SH3PXD2B: variants seen among roughly 807,000 people sequenced by gnomAD.
SH3PXD2B encodes the protein SH3 and PX domain-containing protein 2B.
SH3PXD2B carries 37 observed loss-of-function variants against 73.1 expected under a neutral mutation model. The ratio of observed to expected loss-of-function variants is 0.51; its 90% CI spans 0.39 to 0.67. The LOEUF (loss-of-function observed/expected upper bound fraction) is 0.67. Among genes scored for constraint, SH3PXD2B ranks in the 30% least tolerant of loss-of-function variants. The pLI is 0.00. For synonymous variants in SH3PXD2B, 457 were observed against 480.5 expected (o/e 0.95, Z 0.64); for missense variants, 1,053 against 1,197.8 (o/e 0.88, Z 1.78).
At position 172,339,057 on chromosome 5, in the gene SH3PXD2B, C is replaced by T. The variant is rs1756777840; in HGVS notation, c.2048G>A (p.Gly683Glu). ...GCCCCCTACTGCCTGGGGGCCCTCC[C>T]CATCCAACAAGGACTTGTCTTGGGA... ...AKSQDKSLLD[G>E]EGPQAVGGQD... The change falls in exon 13 of 13, where the codon GGG becomes GAG. Residue 683 changes from glycine to glutamate, a missense_variant. This residue lies in a region of SH3PXD2B where 587 missense variants were observed against 590.7 expected (regional missense o/e 0.99). Coordinates refer to ENST00000311601, the MANE Select transcript of SH3PXD2B (RefSeq NM_001017995.3). The surrounding 1 kb of genome is among the most constrained non-coding windows in gnomAD (Gnocchi z 6.1). The T allele has an allele frequency of 6.2e-7, 1 of 1,614,118 alleles. No individual in the cohort carries two copies. The highest frequency in any genetic ancestry group is 1.3e-5 in the African/African-American group (1 of 74,948).
chr5:172,412,017 A>G (rs1437860268), intron 2 of SH3PXD2B, among the ~76,000 whole-genome samples: 3 of 151,236 alleles, frequency 2.0e-5, no homozygotes, highest in Non-Finnish European at 4.4e-5. Flanking sequence ...TTCTGCCTCT[A>G]TGAATCTGAC....
chr5:172,386,586 T>G (rs183053976), intron 4 of SH3PXD2B, among the ~76,000 whole-genome samples: 475 of 40,114 alleles, frequency 0.012, 3 homozygotes, highest in Middle Eastern at 0.035. Flanking sequence ...TGTTTTATTG[T>G]TTTTATTTTT....
chr5:172,356,725 A>C (rs1239096534), intron 8 of SH3PXD2B: 1 of 152,134 alleles, frequency 6.6e-6, no homozygotes, highest in Non-Finnish European at 1.5e-5. Context: ...AGTCCCCCAG[A>C]GTCCGGCGGC....
rs1004097220 is a variant in SH3PXD2B, at chr5:172,446,792, C to G, written c.75+7486G>C. Among the ~76,000 whole-genome samples the G allele has an allele frequency of 7.2e-5, 11 of 152,226 alleles. No individual in the cohort carries two copies. The South Asian group carries it at 1.0e-3, about 14-fold the overall frequency. On this transcript the variant is annotated intron_variant, in intron 1 of 12. Transcript: ENST00000311601. ...TGCAGAACTTGAGCCTACAATTCTTCCCAACCCTATTTGGCTGCAAGCACG... is the reference window on the plus strand; with the variant it reads ...TGCAGAACTTGAGCCTACAATTCTTGCCAACCCTATTTGGCTGCAAGCACG...
chr5:172,448,562 A>C (rs1449568822), intron 1 of SH3PXD2B, among the ~76,000 whole-genome samples: 1 of 152,170 alleles, frequency 6.6e-6, no homozygotes, highest in East Asian at 1.9e-4. Flanking sequence ...CCCGCTCAGG[A>C]GCGCTTGAAG....
intron 9 of SH3PXD2B, among the ~76,000 whole-genome samples, chr5:172,350,903 A>G (rs1757147730): frequency 6.6e-6 from 1 of 152,170 alleles, no homozygotes; most frequent in Admixed American, 6.5e-5. Flanking sequence ...CAGCAGCCCC[A>G]GCTCTGGGGC....
At chr5:172,386,995 C>T (rs1372519648) in intron 4 of SH3PXD2B, among the ~76,000 whole-genome samples, 1 of 152,130 alleles carries the variant, frequency 6.6e-6, no homozygotes, top group Non-Finnish European at 1.5e-5. Flanking sequence ...AGTCAGGAAG[C>T]CCTCAGCACA....
chr5:172,358,541 T>C (rs1349233158), intron 8 of SH3PXD2B, among the ~76,000 whole-genome samples: 2 of 152,130 alleles, frequency 1.3e-5, no homozygotes, highest in Non-Finnish European at 2.9e-5. Context: ...GCTCGAGCTC[T>C]GGCCAGGCTC....
intron 3 of SH3PXD2B, among the ~76,000 whole-genome samples, chr5:172,401,020 C>T (rs1285633668): frequency 1.3e-5 from 2 of 152,200 alleles, no homozygotes; most frequent in Non-Finnish European, 2.9e-5. Flanking sequence ...GCTGGAATGG[C>T]GTTACATCAA....
At chr5:172,325,643 A>T (rs1414710380) in intron 12 of SH3PXD2B, among the ~76,000 whole-genome samples, 1 of 152,216 alleles carries the variant, frequency 6.6e-6, no homozygotes, top group Non-Finnish European at 1.5e-5. Flanking sequence ...GTGTCCTGGC[A>T]GGGCAGAAGA....
chr5:172,442,567 T>C (rs1759571889), intron 1 of SH3PXD2B, among the ~76,000 whole-genome samples: 1 of 152,162 alleles, frequency 6.6e-6, no homozygotes, highest in South Asian at 2.1e-4. Context: ...ATATAAATCT[T>C]TGGGAGAAAA....
intron 12 of SH3PXD2B, among the ~76,000 whole-genome samples, chr5:172,345,394 A>G (rs58344319): frequency 0.011 from 1,639 of 152,254 alleles, 26 homozygotes; most frequent in African/African-American, 0.037. Flanking sequence ...TATTTGTTGC[A>G]GAGATGAATA....
chr5:172,396,905 C>A (rs1758314497), intron 3 of SH3PXD2B, among the ~76,000 whole-genome samples: 1 of 152,080 alleles, frequency 6.6e-6, no homozygotes, highest in Non-Finnish European at 1.5e-5. Flanking sequence ...CATGCCATTG[C>A]ACTCCAGCCT....
chr5:172,380,868 T>C (rs981510216), intron 5 of SH3PXD2B, among the ~76,000 whole-genome samples: 4 of 152,210 alleles, frequency 2.6e-5, no homozygotes, highest in African/African-American at 9.7e-5. Context: ...TTGGGATATA[T>C]TTATTGCAGA....
At chr5:172,407,703 G>A (rs567401202) in intron 2 of SH3PXD2B, among the ~76,000 whole-genome samples, 2 of 152,312 alleles carry the variant, frequency 1.3e-5, no homozygotes, top group Admixed American at 6.5e-5. Context: ...GAAAAGTCCA[G>A]GAGAAATACA....
intron 12 of SH3PXD2B, among the ~76,000 whole-genome samples, chr5:172,327,940 A>T (rs532290317): frequency 6.6e-6 from 1 of 151,984 alleles, no homozygotes; most frequent in Admixed American, 6.6e-5. Context: ...CTTTTAGTAA[A>T]GATGGGGTTT....
intron 3 of SH3PXD2B, among the ~76,000 whole-genome samples, chr5:172,401,529 G>T (rs1454570707): frequency 1.3e-5 from 2 of 152,130 alleles, no homozygotes; most frequent in Admixed American, 6.5e-5. Context: ...ACCAGTCAAA[G>T]AATCCGGCAT....
intron 1 of SH3PXD2B, among the ~76,000 whole-genome samples, chr5:172,443,341 G>A (rs1390947593): frequency 1.3e-5 from 2 of 152,284 alleles, no homozygotes; most frequent in South Asian, 2.1e-4. Flanking sequence ...AATTTCAGTC[G>A]GAGGTTAGTG....
In SH3PXD2B at chr5:172,394,546, G is replaced by A; in HGVS notation, c.309+17C>T. On this transcript the variant is annotated intron_variant, in intron 4 of 12. Transcript: ENST00000311601. ...TACACCTACAGGGAAGACTGCGTGG[G>A]CATTTCTCAGCCTTACCTTACAGTA... 6.2e-7 allele frequency: 1 copy of A among 1,613,072 alleles called. No homozygotes were observed. The highest frequency in any genetic ancestry group is 8.5e-7 in the Non-Finnish European group (1 of 1,179,176).
Sources: allele counts gnomAD v4.1 joint callset (sites outside exome capture counted in the v4.1 genomes callset), GRCh38; gene constraint gnomAD v4.1.1; regional missense constraint gnomAD v4.1.1; non-coding constraint Gnocchi (gnomAD v3.1); transcripts MANE v1.5; gene names NCBI Gene and HGNC (gene_info 2026-07-23, HGNC 2026-07-21).